DNAJA3: variants seen among roughly 807,000 people sequenced by gnomAD.
DNAJA3 encodes the protein DnaJ heat shock protein family (Hsp40) member A3, also known as dnaJ homolog subfamily A member 3, mitochondrial.
In DNAJA3, 29 loss-of-function variants were observed where a neutral mutation model predicts 54.9. The ratio of observed to expected loss-of-function variants is 0.53; its 90% CI spans 0.39 to 0.72. The LOEUF (loss-of-function observed/expected upper bound fraction) is 0.72, where lower values mean the gene tolerates loss of function less well. Among genes scored for constraint, DNAJA3 ranks in the 30% least tolerant of loss-of-function variants. DNAJA3 has a pLI of 0.00. For missense variants in DNAJA3, 708 were observed against 639.4 expected, an observed-to-expected ratio of 1.11 and a Z score of -1.16; for synonymous variants, 302 against 251.4, an observed-to-expected ratio of 1.20 and a Z score of -1.90.
chr16:4,441,043 C>T, intron 3 of DNAJA3: 1 of 395,246 alleles, frequency 2.5e-6, no homozygotes, highest in Non-Finnish European at 4.5e-6. Flanking sequence ...GTAATGTCCC[C>T]TGAGGAGAGA....
At chr16:4,438,955 G>A (rs1476324026) in intron 3 of DNAJA3, among the ~76,000 whole-genome samples, 1 of 151,496 alleles carries the variant, frequency 6.6e-6, no homozygotes, top group Non-Finnish European at 1.5e-5. Flanking sequence ...GTTCTTATTA[G>A]GTAACTCAAA....
intron 2 of DNAJA3, among the ~76,000 whole-genome samples, chr16:4,436,111 A>G (rs572558202): frequency 1.8e-4 from 27 of 152,230 alleles, no homozygotes; most frequent in African/African-American, 6.3e-4. Context: ...GTTGGCTATT[A>G]GTATGTCTTT....
chr16:4,450,593 G>A (rs1320056049), intron 10 of DNAJA3, 96 bp downstream of exon 10: 2 of 944,820 alleles, frequency 2.1e-6, no homozygotes, highest in Admixed American at 5.6e-5. Flanking sequence ...TTCCACTTCG[G>A]GTTCTTCATG....
At chr16:4,437,158 G>C (rs2056781422) in intron 2 of DNAJA3, among the ~76,000 whole-genome samples, 1 of 152,074 alleles carries the variant, frequency 6.6e-6, no homozygotes, top group African/African-American at 2.4e-5. Flanking sequence ...TTTTGGTGGA[G>C]AGGGGTTTCG....
chr16:4,434,886 C>CT (rs202179531), intron 2 of DNAJA3, among the ~76,000 whole-genome samples: 1,163 of 100,076 alleles, frequency 0.012, 111 homozygotes, highest in African/African-American at 0.032. Flanking sequence ...CCTTTCCTTT[C>CT]TTTTTTTTTT....
At chr16:4,428,957 C>T (rs1187757165) in intron 1 of DNAJA3, among the ~76,000 whole-genome samples, 2 of 146,444 alleles carry the variant, frequency 1.4e-5, no homozygotes, top group South Asian at 2.2e-4. Context: ...GGCACGATCT[C>T]GGCTCACTGC....
intron 1 of DNAJA3, among the ~76,000 whole-genome samples, chr16:4,432,554 C>T (rs987514679): frequency 1.3e-5 from 2 of 151,704 alleles, no homozygotes; most frequent in African/African-American, 2.4e-5. Flanking sequence ...GTTGGTCAGG[C>T]TGGTCTCTAA....
chr16:4,455,374 G>C (rs946114226), intron 11 of DNAJA3, 172 bp from the exon 12 acceptor site: 6 of 703,916 alleles, frequency 8.5e-6, no homozygotes, highest in Non-Finnish European at 1.5e-5. Context: ...GGTAGCGCTT[G>C]CTCGCCGTGT....
intron 10 of DNAJA3, 44 bp downstream of exon 10, chr16:4,450,541 A>G: frequency 6.7e-7 from 1 of 1,483,984 alleles, no homozygotes; most frequent in Non-Finnish European, 9.2e-7. Flanking sequence ...GGGGCCTCAG[A>G]GCCCCCCAGG....
chr16:4,441,218 A>G, intron 3 of DNAJA3, 157 bp from the exon 4 acceptor site: 1 of 635,356 alleles, frequency 1.6e-6, no homozygotes, highest in East Asian at 2.8e-5. Context: ...TCCCTCTTCT[A>G]GGTGCTAGTC....
At chr16:4,439,503 G>A (rs2056814218) in intron 3 of DNAJA3, among the ~76,000 whole-genome samples, 1 of 152,134 alleles carries the variant, frequency 6.6e-6, no homozygotes. Context: ...GGGACTACAG[G>A]TTCCCCACTG....
intron 7 of DNAJA3, among the ~76,000 whole-genome samples, chr16:4,446,393 G>A (rs1051886632): frequency 1.3e-4 from 19 of 151,288 alleles, no homozygotes; most frequent in African/African-American, 3.6e-4. Flanking sequence ...ACAGGGGCCC[G>A]CCACCACACC....
intron 7 of DNAJA3, among the ~76,000 whole-genome samples, chr16:4,445,251 G>C (rs752264876): frequency 1.3e-5 from 2 of 152,220 alleles, no homozygotes; most frequent in Non-Finnish European, 2.9e-5. Context: ...ATGGCTCAGT[G>C]AGCCGTGGTG....
Position 4,448,800 on chromosome 16 carries a change from G to A in DNAJA3, c.1193G>A (p.Ser398Asn). The A allele has an allele frequency of 6.2e-7, 1 of 1,614,084 alleles. No homozygotes were observed. The highest frequency in any genetic ancestry group is 2.2e-5 in the East Asian group (1 of 44,884). The change falls in exon 9 of 12, where the codon AGC becomes AAC. Residue 398 changes from serine (S) to asparagine (N), a missense_variant. Transcript: ENST00000262375. Reference sequence around the variant, plus strand: ...GGGAAAGGCATCCCCCGGATTAACAGCTACGGCTACGGAGACCACTACATC... The same window carrying A: ...GGGAAAGGCATCCCCCGGATTAACAACTACGGCTACGGAGACCACTACATC... ...MGGKGIPRIN[S>N]YGYGDHYIHI...
chr16:4,455,554 T>C lies in DNAJA3; in HGVS notation c.*22T>C. The C allele has an allele frequency of 6.4e-7, 1 of 1,551,724 alleles. No homozygotes were observed. The highest frequency in any genetic ancestry group is 8.7e-7 in the Non-Finnish European group (1 of 1,146,972). On this transcript the variant is annotated 3_prime_UTR_variant, in exon 12 of 12. Transcript: ENST00000262375. ...CTATCTCTTTGGCTCAGGAAAAAGA[T>C]CCACTGGAAACTAGGCCGGGAAGCA...
intron 9 of DNAJA3, chr16:4,449,645 G>C (rs996739660): frequency 6.6e-6 from 1 of 152,338 alleles, no homozygotes; most frequent in African/African-American, 2.4e-5. Flanking sequence ...AAAGTGGTGG[G>C]ATTACAGGTG....
At chr16:4,449,147 C>A (rs990362812) in intron 9 of DNAJA3, among the ~76,000 whole-genome samples, 1 of 151,858 alleles carries the variant, frequency 6.6e-6, no homozygotes, top group Non-Finnish European at 1.5e-5. Flanking sequence ...CAGGTGCCTG[C>A]CACCATGCCC....
intron 9 of DNAJA3, among the ~76,000 whole-genome samples, chr16:4,449,340 A>T (rs979156868): frequency 6.6e-6 from 1 of 151,938 alleles, no homozygotes; most frequent in Non-Finnish European, 1.5e-5. Flanking sequence ...TAAATGAACA[A>T]CACATAGGAA....
At chr16:4,445,196 A>G (rs1052726208) in intron 7 of DNAJA3, among the ~76,000 whole-genome samples, 2 of 152,242 alleles carry the variant, frequency 1.3e-5, no homozygotes, top group African/African-American at 4.8e-5. Flanking sequence ...GGTGCACAAG[A>G]GTCCTGTCCA....
Sources: allele counts gnomAD v4.1 joint callset (sites outside exome capture counted in the v4.1 genomes callset), GRCh38; gene constraint gnomAD v4.1.1; transcripts MANE v1.5; gene names NCBI Gene and HGNC (gene_info 2026-07-23, HGNC 2026-07-21).